The following AXDND1 variants were observed in gnomAD, a reference collection of about 807,000 sequenced individuals.
The protein encoded by AXDND1 is axonemal dynein light chain domain-containing protein 1.
AXDND1 carries 110 observed loss-of-function variants against 137.5 expected under a neutral mutation model. That is an observed-to-expected ratio of 0.80 (90% CI 0.69 to 0.94). The LOEUF is 0.94. Ranked by LOEUF, AXDND1 falls within the 40% of genes least tolerant of loss-of-function variation. The probability of loss-of-function intolerance (pLI) is 0.00; values close to 1 mark genes in which losing one functional copy is unlikely to be tolerated. For missense variants in AXDND1, 1,191 were observed against 1,169.8 expected, an observed-to-expected ratio of 1.02 and a Z score of -0.26; for synonymous variants, 414 against 399.7, an observed-to-expected ratio of 1.04 and a Z score of -0.43.
intron 9 of AXDND1, among the ~76,000 whole-genome samples, chr1:179,392,562 T>C (rs545145489): frequency 2.1e-4 from 32 of 152,352 alleles, no homozygotes; most frequent in African/African-American, 7.5e-4. Flanking sequence ...CTGTTTTCCA[T>C]AGTGGTTGTA....
intron 17 of AXDND1, among the ~76,000 whole-genome samples, chr1:179,475,973 T>G (rs1664576619): frequency 6.6e-6 from 1 of 152,192 alleles, no homozygotes; most frequent in Non-Finnish European, 1.5e-5. Flanking sequence ...TGCAATATGA[T>G]GGTTTTATAA....
intron 16 of AXDND1, among the ~76,000 whole-genome samples, chr1:179,462,227 G>C (rs4651035): frequency 0.87 from 132,682 of 152,210 alleles, 57,956 homozygotes; most frequent in East Asian, 0.9. Context: ...CCTATCAATA[G>C]CTAGTTTATT....
At chr1:179,546,721 G>A (rs1045477680) in intron 25 of AXDND1, among the ~76,000 whole-genome samples, 2 of 152,130 alleles carry the variant, frequency 1.3e-5, no homozygotes, top group Non-Finnish European at 2.9e-5. Flanking sequence ...CTGTAGTGCC[G>A]AGTTGGTACT....
chr1:179,456,860 A>G, intron 16 of AXDND1: 1 of 833,740 alleles, frequency 1.2e-6, no homozygotes. Flanking sequence ...TGACAGTTTT[A>G]TCCATGGAGT....
intron 4 of AXDND1, among the ~76,000 whole-genome samples, chr1:179,370,692 T>TATC (rs1667951965): frequency 6.6e-6 from 1 of 152,246 alleles, no homozygotes; most frequent in Non-Finnish European, 1.5e-5. Context: ...ATTGTCCACT[T>TATC]ATCAATTTAC....
chr1:179,388,211 G>A (rs186254595), intron 9 of AXDND1, among the ~76,000 whole-genome samples: 2 of 152,226 alleles, frequency 1.3e-5, no homozygotes, highest in Admixed American at 1.3e-4. Context: ...CCTATTCTTT[G>A]TCCTTGTTTT....
At chr1:179,432,657 C>G (rs1320918818) in intron 15 of AXDND1, among the ~76,000 whole-genome samples, 1 of 152,142 alleles carries the variant, frequency 6.6e-6, no homozygotes, top group Non-Finnish European at 1.5e-5. Context: ...AACTCCTGAC[C>G]TGAAGTGATC....
chr1:179,535,380 G>A (rs139084554), intron 25 of AXDND1, among the ~76,000 whole-genome samples: 4,753 of 151,724 alleles, frequency 0.031, 273 homozygotes, highest in African/African-American at 0.11. Context: ...CTCAGCCCCC[G>A]ACCCCCTGAC....
In AXDND1 at chr1:179,468,658, T is replaced by C. The variant is rs539823131; in HGVS notation, c.1997+17T>C. The C allele has an allele frequency of 6.4e-7, 1 of 1,564,174 alleles. No individual in the cohort carries two copies. On this transcript the variant is annotated intron_variant, in intron 17 of 25. Coordinates refer to ENST00000367618, the MANE Select transcript of AXDND1 (RefSeq NM_144696.6). ...TTCTGTTTCGTAAGTTCCCATAGGT[T>C]TCTTTTGTTCTGAGATAATTTTCCT...
At chr1:179,423,435 A>G (rs565361076) in intron 12 of AXDND1, among the ~76,000 whole-genome samples, 3 of 152,168 alleles carry the variant, frequency 2.0e-5, no homozygotes, top group East Asian at 1.9e-4. Flanking sequence ...ATTTACATTC[A>G]GTGTTATTAT....
At chr1:179,519,889 G>GT (rs1337783979) in intron 21 of AXDND1, among the ~76,000 whole-genome samples, 1 of 152,054 alleles carries the variant, frequency 6.6e-6, no homozygotes, top group East Asian at 1.9e-4. Context: ...GATTCCTTAT[G>GT]AATTTTAAAA....
At chr1:179,457,990 C>CTTTTTTTTTT (rs34295838) in intron 16 of AXDND1, among the ~76,000 whole-genome samples, 1 of 145,546 alleles carries the variant, frequency 6.9e-6, no homozygotes, top group African/African-American at 2.6e-5. Flanking sequence ...CTTTCCTTCT[C>CTTTTTTTTTT]TTTTTTTTTT....
chr1:179,463,545 G>T lies in AXDND1; in HGVS notation c.1799-4898G>T, dbSNP rs367637332. Reference sequence around the variant, plus strand: ...AGGAGAGCTTTACTTCCAACTATGTGGTCAATTTTGGAATAAGTGCGATGT... The same window carrying T: ...AGGAGAGCTTTACTTCCAACTATGTTGTCAATTTTGGAATAAGTGCGATGT... On this transcript the variant is annotated intron_variant, in intron 16 of 25. Coordinates refer to ENST00000367618, the MANE Select transcript of AXDND1 (RefSeq NM_144696.6). Among the ~76,000 whole-genome samples the T allele has an allele frequency of 6.6e-5, 10 of 152,254 alleles. No homozygotes were observed. In the East Asian group the frequency reaches 1.7e-3, roughly 26 times the overall value.
intron 16 of AXDND1, among the ~76,000 whole-genome samples, chr1:179,467,883 T>C (rs1312725279): frequency 6.6e-6 from 1 of 152,086 alleles, no homozygotes; most frequent in Non-Finnish European, 1.5e-5. Flanking sequence ...TGCAAATAAA[T>C]AAGAAAAAGA....
At position 179,382,742 on chromosome 1, in the gene AXDND1, G is replaced by T; in HGVS notation, c.624G>T (p.Leu208Phe). 6.3e-7 allele frequency: 1 copy of T among 1,596,642 alleles called. No individual in the cohort carries two copies. The highest frequency in any genetic ancestry group is 8.6e-7 in the Non-Finnish European group (1 of 1,164,820). The change falls in exon 7 of 26, where the codon TTG becomes TTT. Residue 208 changes from leucine (L) to phenylalanine (F), a missense_variant. By Grantham distance (22) the Leu-to-Phe change is conservative. Coordinates refer to ENST00000367618, the MANE Select transcript of AXDND1 (RefSeq NM_144696.6). ...TLLTDSENRL[L>F]LFPSMKPNKR... ...TCACAGATAGTGAAAACAGGCTATT[G>T]CTCTTCCCATCCATGTAAGTACAGT...
Position 179,383,480 on chromosome 1 carries a change from A to G in AXDND1, c.677A>G (p.Asp226Gly), listed in dbSNP as rs1216829092. 12 of 1,614,046 alleles carry G rather than the reference A, an allele frequency of 7.4e-6. No individual in the cohort carries two copies. The highest frequency in any genetic ancestry group is 1.0e-5 in the Non-Finnish European group (12 of 1,179,948). The part of the protein sequence containing the change: ...NKRVEVAQLN[D>G]VMDTMLERAG... ...AGAGTAGAAGTGGCCCAGCTGAATG[A>G]TGTGATGGATACTATGCTAGAGAGG... The change falls in exon 8 of 26, where the codon GAT (aspartate) becomes GGT (glycine). Residue 226 changes from aspartate to glycine, a missense_variant. Transcript: ENST00000367618.
At chr1:179,454,832 A>T (rs548145359) in intron 16 of AXDND1, 1 of 152,222 alleles carries the variant, frequency 6.6e-6, no homozygotes, top group Admixed American at 6.5e-5. Flanking sequence ...GGTGGCTCAA[A>T]CCTATAATTC....
In AXDND1 at chr1:179,481,462, A is replaced by G. The variant is rs574816893; in HGVS notation, c.1998-1666A>G. Among the ~76,000 whole-genome samples the G allele has an allele frequency of 8.3e-4, 127 of 152,306 alleles. 1 individual carries two copies. The highest frequency in any genetic ancestry group is 3.0e-3 in the African/African-American group (125 of 41,550). ...TGAACATACGTGTGCATGTGTCTTTATAGCAGCATGATTTAATAATCCTTT... is the reference window on the plus strand; with the variant it reads ...TGAACATACGTGTGCATGTGTCTTTGTAGCAGCATGATTTAATAATCCTTT... On this transcript the variant is annotated intron_variant, in intron 17 of 25. Coordinates refer to ENST00000367618, the MANE Select transcript of AXDND1 (RefSeq NM_144696.6).
intron 12 of AXDND1, among the ~76,000 whole-genome samples, chr1:179,415,212 G>A (rs889435145): frequency 4.6e-5 from 7 of 151,988 alleles, no homozygotes; most frequent in Non-Finnish European, 8.8e-5. Flanking sequence ...CATATTGGCG[G>A]GTGTCTGTAG....
Sources: allele counts gnomAD v4.1 joint callset (sites outside exome capture counted in the v4.1 genomes callset), GRCh38; gene constraint gnomAD v4.1.1; transcripts MANE v1.5; gene names NCBI Gene and HGNC (gene_info 2026-07-23, HGNC 2026-07-21).